The following HIPK2 variants were observed in gnomAD, a reference collection of about 807,000 sequenced individuals.
HIPK2 encodes homeodomain interacting protein kinase 2.
In HIPK2, 27 loss-of-function variants were observed where a neutral mutation model predicts 113.7. That is an observed-to-expected ratio of 0.24 (90% confidence interval 0.17 to 0.33). The LOEUF (loss-of-function observed/expected upper bound fraction) is 0.33, where lower values mean the gene tolerates loss of function less well. HIPK2 is among the 10% of genes least tolerant of loss of function. The pLI, the probability that HIPK2 is intolerant of heterozygous loss-of-function variation, is 1.00. For synonymous variants in HIPK2, 631 were observed against 642.2 expected, an observed-to-expected ratio of 0.98 and a Z score of 0.26; for missense variants, 1,257 against 1,588.0, an observed-to-expected ratio of 0.79 and a Z score of 3.54.
At chr7:139,645,114 A>G (rs1175125676) in intron 2 of HIPK2, among the ~76,000 whole-genome samples, 1 of 152,216 alleles carries the variant, frequency 6.6e-6, no homozygotes, top group Non-Finnish European at 1.5e-5. Context: ...TTCCTTTCCA[A>G]GGTTCCCAGT....
At chr7:139,620,642 A>T in intron 6 of HIPK2, 79 bp from the exon 7 acceptor site, 1 of 1,539,836 alleles carries the variant, frequency 6.5e-7, no homozygotes, top group South Asian at 1.2e-5. Flanking sequence ...GGGAGAAAAC[A>T]AAGGAAAGGA....
chr7:139,613,367 T>C lies in HIPK2; in HGVS notation c.1991-44A>G, dbSNP rs1346148926. 5 of 1,603,852 alleles carry C rather than the reference T, an allele frequency of 3.1e-6. No individual in the cohort carries two copies. The highest frequency in any genetic ancestry group is 2.2e-5 in the East Asian group (1 of 44,606). ...GGGAGAGAAGGGTTAGCTGAGACGC[T>C]GTGAACAGCTGGATGAAAAGAACCT... On this transcript the variant is annotated intron_variant, in intron 8 of 14. Coordinates refer to ENST00000406875, the MANE Select transcript of HIPK2 (RefSeq NM_022740.5). This position sits in a 1 kb window ranked among gnomAD's most constrained non-coding sequence, Gnocchi z 4.2.
chr7:139,586,124 T>C (rs891754878), intron 12 of HIPK2, among the ~76,000 whole-genome samples: 8 of 152,212 alleles, frequency 5.3e-5, no homozygotes, highest in African/African-American at 1.9e-4. Flanking sequence ...TGTTAAGAAC[T>C]CAGAAGAAGG....
Position 139,729,601 on chromosome 7 carries a change from G to T in HIPK2, c.20-12586C>A, listed in dbSNP as rs1795710381. On this transcript the variant is annotated intron_variant, in intron 1 of 14. Coordinates refer to ENST00000406875, the MANE Select transcript of HIPK2 (RefSeq NM_022740.5). ...CCCTCTCTCACCTGCCATCCACATT[G>T]TTCTGTTTTTCAACACTGCATTTTC... 2.6e-5 allele frequency among the ~76,000 whole-genome samples: 4 copies of T among 152,196 alleles called. No individual in the cohort carries two copies. In the South Asian group the frequency reaches 8.3e-4, roughly 32 times the overall value.
rs1279731554 is a variant in HIPK2 at position 139,613,594 on chromosome 7, C to T, written c.1991-271G>A. On this transcript the variant is annotated intron_variant, in intron 8 of 14. Coordinates refer to ENST00000406875, the MANE Select transcript of HIPK2 (RefSeq NM_022740.5). This position sits in a 1 kb window ranked among gnomAD's most constrained non-coding sequence, Gnocchi z 4.2. ...GCCAAAAGTAGGACAGATATGCTCG[C>T]AGATTACAACAGGAAAACAAGGGCT... 6.6e-6 allele frequency among the ~76,000 whole-genome samples: 1 copy of T among 152,196 alleles called. No individual in the cohort carries two copies. Among genetic ancestry groups the T allele is most frequent in the African/African-American group, 2.4e-5 (1 of 41,442 alleles).
intron 14 of HIPK2, 92 bp downstream of exon 14, chr7:139,575,036 G>A (rs1178966245): frequency 1.4e-6 from 2 of 1,453,082 alleles, no homozygotes; most frequent in Admixed American, 4.7e-5. Flanking sequence ...CCTGTGAGGT[G>A]GGTGAGGGGC....
rs1285640623 is a variant in HIPK2, at chr7:139,716,471, C to G, written c.564G>C (p.Gln188His). 1.2e-6 allele frequency: 2 copies of G among 1,614,030 alleles called. No individual in the cohort carries two copies. Among genetic ancestry groups the G allele is most frequent in the South Asian group, 1.1e-5 (1 of 91,084 alleles). ...TGGTCATGGAGCACAGCACCTCATG[C>G]TGCACCAGCTGATAGTCGCCCTCGC... Reference protein sequence around the residue: ...SNSEGDYQLVQHEVLCSMTNT... With the variant: ...SNSEGDYQLVHHEVLCSMTNT... Residue 188 changes from glutamine to histidine, a missense_variant, in exon 2 of 15, where the codon CAG becomes CAC. Around this residue, in one of 5 missense-constraint regions of HIPK2, gnomAD observed 78 missense variants for 145.7 expected, o/e 0.54. Coordinates refer to ENST00000406875, the MANE Select transcript of HIPK2 (RefSeq NM_022740.5). The surrounding 1 kb of genome is among the most constrained non-coding windows in gnomAD (Gnocchi z 9.3).
intron 1 of HIPK2, among the ~76,000 whole-genome samples, chr7:139,726,389 T>G (rs942025433): frequency 2.0e-5 from 3 of 151,776 alleles, no homozygotes; most frequent in Non-Finnish European, 4.4e-5. Context: ...AGATGAGATG[T>G]GAGAGCAAAG....
intron 14 of HIPK2, 142 bp downstream of exon 14, chr7:139,574,986 A>G: frequency 8.7e-7 from 1 of 1,146,560 alleles, no homozygotes; most frequent in South Asian, 1.6e-5. Context: ...ACCAGAGGTC[A>G]CCAAGGGCAT....
chr7:139,694,398 C>T lies in HIPK2; in HGVS notation c.1103+21534G>A, dbSNP rs149621457. ...AGATACCTCAGATCGATGATCATGA[C>T]GTATCCCAGCAACACACGGCTCAGA... On this transcript the variant is annotated intron_variant, in intron 2 of 14. Transcript: ENST00000406875. Among the ~76,000 whole-genome samples the T allele has an allele frequency of 1.1e-4, 17 of 151,984 alleles. No individual in the cohort carries two copies. In the East Asian group the frequency reaches 2.9e-3, roughly 26 times the overall value.
intron 5 of HIPK2, among the ~76,000 whole-genome samples, chr7:139,628,379 T>A (rs1037565349): frequency 6.6e-6 from 1 of 152,196 alleles, no homozygotes; most frequent in Non-Finnish European, 1.5e-5. Context: ...ATTCTTCTCA[T>A]GATAACATCA....
intron 2 of HIPK2, among the ~76,000 whole-genome samples, chr7:139,690,195 C>T (rs1334642488): frequency 6.6e-6 from 1 of 152,076 alleles, no homozygotes; most frequent in African/African-American, 2.4e-5. Context: ...TGCCCAACTA[C>T]GTCAGTGTAA....
intron 1 of HIPK2, among the ~76,000 whole-genome samples, chr7:139,736,934 A>C (rs1470378630): frequency 6.6e-6 from 1 of 152,188 alleles, no homozygotes; most frequent in Non-Finnish European, 1.5e-5. Flanking sequence ...CAGCGCTAAG[A>C]GTCTTCCCTG....
At chr7:139,633,189 A>G (rs2116906112) in intron 2 of HIPK2, among the ~76,000 whole-genome samples, 1 of 151,630 alleles carries the variant, frequency 6.6e-6, no homozygotes, top group East Asian at 1.9e-4. Context: ...TTCTCTATAA[A>G]TTTTCCACTT....
intron 2 of HIPK2, among the ~76,000 whole-genome samples, chr7:139,685,117 G>A (rs528867598): frequency 6.6e-6 from 1 of 152,246 alleles, no homozygotes; most frequent in African/African-American, 2.4e-5. Flanking sequence ...GCTGCAGCAA[G>A]TTATCCAGAA....
chr7:139,639,673 G>C (rs1221854500), intron 2 of HIPK2, among the ~76,000 whole-genome samples: 4 of 152,172 alleles, frequency 2.6e-5, no homozygotes, highest in Non-Finnish European at 5.9e-5. Flanking sequence ...ACCACACACA[G>C]AGCAGCGCAA....
chr7:139,685,835 C>A (rs910383325), intron 2 of HIPK2, among the ~76,000 whole-genome samples: 1 of 152,200 alleles, frequency 6.6e-6, no homozygotes, highest in Non-Finnish European at 1.5e-5. Context: ...TGACAATGTA[C>A]CTAGTCACCC....
intron 2 of HIPK2, among the ~76,000 whole-genome samples, chr7:139,681,874 G>A (rs557337482): frequency 1.3e-4 from 20 of 152,136 alleles, no homozygotes; most frequent in Non-Finnish European, 2.9e-4. Context: ...CCACTGACTG[G>A]GGGCCCTGGT....
Position 139,572,899 on chromosome 7 carries a change from C to T in HIPK2, c.*28G>A. 4.9e-6 allele frequency: 2 copies of T among 406,492 alleles called. No homozygotes were observed. Among genetic ancestry groups the T allele is most frequent in the Non-Finnish European group, 9.8e-6 (2 of 204,324 alleles). The allele number at this position is 406,492 out of a possible 1,614,324, so 25.2% of individuals were successfully genotyped here. A position where few individuals can be genotyped will look rare whatever the true frequency, so the allele number is the denominator to read the frequency against. ...TCCTCCCTCGGGCCATTCTCTCCCT[C>T]CCTCCCTCCCTCCCTCCCCTCCAGT... On this transcript the variant is annotated 3_prime_UTR_variant, in exon 15 of 15. Coordinates refer to ENST00000406875, the MANE Select transcript of HIPK2 (RefSeq NM_022740.5).
Sources: allele counts gnomAD v4.1 joint callset (sites outside exome capture counted in the v4.1 genomes callset), GRCh38; gene constraint gnomAD v4.1.1; regional missense constraint gnomAD v4.1.1; non-coding constraint Gnocchi (gnomAD v3.1); transcripts MANE v1.5; gene names NCBI Gene and HGNC (gene_info 2026-07-23, HGNC 2026-07-21).